The following RHOBTB3 variants were observed in gnomAD, a reference collection of about 807,000 sequenced individuals.
RHOBTB3 encodes Rho related BTB domain containing 3.
Under a neutral mutation model 67.2 loss-of-function variants are expected in RHOBTB3, and 47 were observed. The ratio of observed to expected loss-of-function variants is 0.70; its 90% CI spans 0.55 to 0.89. The LOEUF is 0.89. RHOBTB3 is among the 40% of genes least tolerant of loss of function. RHOBTB3 has a pLI of 0.00. For missense variants in RHOBTB3, 631 were observed against 750.0 expected, an observed-to-expected ratio of 0.84 and a Z score of 1.85; for synonymous variants, 273 against 274.2, an observed-to-expected ratio of 1.00 and a Z score of 0.04.
rs749058736 is a variant in RHOBTB3, at chr5:95,793,170, T to C, written c.1832T>C (p.Met611Thr). ...IHSRKCRCLV[M>T] ...TCCCGGAAATGTCGTTGCTTAGTAA[T>C]GTAACCTGGAGCTTTTATACACTAC... Residue 611 changes from methionine to threonine, a missense_variant, in exon 12 of 12, where the codon ATG (methionine) becomes ACG (threonine). Physicochemically the swap from Met to Thr is moderately conservative, Grantham distance 81. Coordinates refer to ENST00000379982, the MANE Select transcript of RHOBTB3 (RefSeq NM_014899.4). 4.4e-6 allele frequency: 7 copies of C among 1,594,426 alleles called. No homozygotes were observed. Among genetic ancestry groups the C allele is most frequent in the Admixed American group, 3.4e-5 (2 of 59,094 alleles).
intron 4 of RHOBTB3, among the ~76,000 whole-genome samples, chr5:95,750,168 T>G (rs1745048219): frequency 6.6e-6 from 1 of 152,196 alleles, no homozygotes; most frequent in Non-Finnish European, 1.5e-5. Context: ...AATGTTAGAA[T>G]GAAAGGAGCA....
In RHOBTB3 at chr5:95,780,439, A is replaced by G. The variant is rs571602578; in HGVS notation, c.1456+14A>G. On this transcript the variant is annotated intron_variant, in intron 9 of 11. Coordinates refer to ENST00000379982, the MANE Select transcript of RHOBTB3 (RefSeq NM_014899.4). ...CCTGCTGCCCAGGTTAGCAATACAA[A>G]TGTTGATAGTATCTCAGAATTCTTT... 2.9e-5 allele frequency: 46 copies of G among 1,606,956 alleles called. No individual in the cohort carries two copies. The highest frequency in any genetic ancestry group is 3.8e-5 in the Non-Finnish European group (45 of 1,173,808).
At chr5:95,763,928 G>C (rs35038952) in intron 7 of RHOBTB3, among the ~76,000 whole-genome samples, 76,837 of 151,488 alleles carry the variant, frequency 0.51, 20,117 homozygotes, top group Admixed American at 0.59. Flanking sequence ...TCCCACCTCA[G>C]CCTCCCAAGG....
Position 95,731,359 on chromosome 5 carries a change from C to G in RHOBTB3, c.-324C>G. The G allele has an allele frequency of 2.6e-6, 3 of 1,136,116 alleles. No individual in the cohort carries two copies. Among genetic ancestry groups the G allele is most frequent in the Non-Finnish European group, 2.2e-6 (2 of 929,826 alleles). 70.4% of individuals were successfully genotyped at this position (1,136,116 alleles called of 1,614,324 possible). ...GCAGCAGGAGGCGACAGCTGCCAGCCGAGGAGGCGCGGCGGAGAGGGGACT... is the reference window on the plus strand; with the variant it reads ...GCAGCAGGAGGCGACAGCTGCCAGCGGAGGAGGCGCGGCGGAGAGGGGACT... On this transcript the variant is annotated 5_prime_UTR_variant, in exon 1 of 12. Coordinates refer to ENST00000379982, the MANE Select transcript of RHOBTB3 (RefSeq NM_014899.4).
At chr5:95,792,913 T>G in intron 11 of RHOBTB3, 146 bp from the exon 12 acceptor site, 1 of 555,652 alleles carries the variant, frequency 1.8e-6, no homozygotes. Flanking sequence ...AAAATGGTAG[T>G]AAATTATTTG....
At chr5:95,771,938 C>G (rs982492325) in intron 8 of RHOBTB3, among the ~76,000 whole-genome samples, 1 of 144,802 alleles carries the variant, frequency 6.9e-6, no homozygotes, top group African/African-American at 2.6e-5. Flanking sequence ...AAAATATTTC[C>G]ACCTTTCTAA....
At chr5:95,774,274 A>G (rs905640174) in intron 8 of RHOBTB3, among the ~76,000 whole-genome samples, 1 of 152,194 alleles carries the variant, frequency 6.6e-6, no homozygotes, top group African/African-American at 2.4e-5. Context: ...CCATAATCCT[A>G]TGCCCTAATA....
intron 6 of RHOBTB3, among the ~76,000 whole-genome samples, chr5:95,757,693 G>C (rs1161997478): frequency 6.6e-6 from 1 of 152,210 alleles, no homozygotes. Context: ...AATACATATT[G>C]GAGTAGAATG....
In RHOBTB3 at chr5:95,768,135, G is replaced by A. The variant is rs375515640; in HGVS notation, c.1251G>A (p.Pro417=). ...NTSLKFFLNK[P]MLADVVFEIQ... is the part of the protein sequence containing the mutation. Reference sequence around the variant, plus strand: ...CCCTCAAGTTTTTCCTTAATAAGCCGATGCTTGCCGATGTTGTCTTCGAAA... The same window carrying A: ...CCCTCAAGTTTTTCCTTAATAAGCCAATGCTTGCCGATGTTGTCTTCGAAA... The change falls in exon 8 of 12, where the codon CCG becomes CCA. Residue 417 remains proline (P), a synonymous_variant. Transcript: ENST00000379982. 1.4e-5 allele frequency: 23 copies of A among 1,613,056 alleles called. No homozygotes were observed. Among genetic ancestry groups the A allele is most frequent in the African/African-American group, 5.3e-5 (4 of 74,850 alleles).
intron 7 of RHOBTB3, among the ~76,000 whole-genome samples, chr5:95,766,624 G>A (rs1056796675): frequency 2.0e-5 from 3 of 149,966 alleles, no homozygotes; most frequent in Non-Finnish European, 4.4e-5. Flanking sequence ...GAGAAAGAAA[G>A]CAAAGCAAAG....
chr5:95,792,257 G>C (rs1746419596), intron 11 of RHOBTB3, among the ~76,000 whole-genome samples: 1 of 151,980 alleles, frequency 6.6e-6, no homozygotes, highest in South Asian at 2.1e-4. Context: ...CGTGGTGACA[G>C]GCGCCTGTAG....
chr5:95,750,529 A>G (rs1257385510), intron 4 of RHOBTB3, among the ~76,000 whole-genome samples: 1 of 152,206 alleles, frequency 6.6e-6, no homozygotes. Context: ...TGGCTACTGT[A>G]TTATATAATG....
intron 6 of RHOBTB3, among the ~76,000 whole-genome samples, chr5:95,758,560 T>C (rs963816695): frequency 6.6e-6 from 1 of 152,134 alleles, no homozygotes; most frequent in Non-Finnish European, 1.5e-5. Context: ...TTTAGAAAGC[T>C]CATCTCTGGT....
At chr5:95,730,223 T>G (rs1183870608), upstream of RHOBTB3, among the ~76,000 whole-genome samples, 1 of 152,172 alleles carries the variant, frequency 6.6e-6, no homozygotes, top group African/African-American at 2.4e-5. Flanking sequence ...ACTGCCCTAC[T>G]CAATACCCCC....
Position 95,760,069 on chromosome 5 carries a change from G to A in RHOBTB3, c.1049-3439G>A, listed in dbSNP as rs76861863. On this transcript the variant is annotated intron_variant, in intron 6 of 11. Transcript: ENST00000379982. The stretch of plus-strand genomic sequence containing the variant: ...TTATGTCACCATGAACATTTGGTTC[G>A]TTATTTAGGAGCGACCTGTTTAACA... Among the ~76,000 whole-genome samples the A allele has an allele frequency of 5.1e-3, 773 of 151,886 alleles. 2 individuals are homozygous for A. Among genetic ancestry groups the A allele is most frequent in the African/African-American group, 0.018 (741 of 41,404 alleles).
In RHOBTB3 at chr5:95,794,036, AAGGGAAGAGAAGGAGGCTCACCGG is replaced by A. The variant is rs1294592344; in HGVS notation, c.*874_*897del. On this transcript the variant is annotated 3_prime_UTR_variant, in exon 12 of 12. Transcript: ENST00000379982. ...GAAAGCAGAAAAAGGCACTGATATA[AAGGGAAGAGAAGGAGGCTCACCGG>A]AGGGAAGAGAACATAGTGAAGATTC... 1.1e-5 allele frequency: 5 copies of A among 456,144 alleles called. 1 individual carries two copies. The highest frequency in any genetic ancestry group is 1.0e-4 in the African/African-American group (5 of 50,070). 28.3% of individuals were successfully genotyped at this position (456,144 alleles called of 1,614,324 possible).
intron 11 of RHOBTB3, 86 bp downstream of exon 11, chr5:95,788,944 T>C (rs1180865333): frequency 3.7e-6 from 3 of 815,616 alleles, no homozygotes; most frequent in African/African-American, 3.6e-5. Context: ...GTAGTACTTT[T>C]AGCAAAATAA....
chr5:95,731,798 G>A (rs1027998154), intron 1 of RHOBTB3, 61 bp from the exon 2 acceptor site: 7 of 1,603,056 alleles, frequency 4.4e-6, no homozygotes, highest in African/African-American at 4.0e-5. Flanking sequence ...TTCCTGTTCC[G>A]AGGAGAGACC....
chr5:95,755,931 C>A lies in RHOBTB3; in HGVS notation c.1048+170C>A. 9.7e-6 allele frequency: 6 copies of A among 618,982 alleles called. No homozygotes were observed. In the Admixed American group the frequency reaches 1.6e-4, roughly 17 times the overall value. The allele number at this position is 618,982 out of a possible 1,614,324, so 38.3% of individuals were successfully genotyped here. On this transcript the variant is annotated intron_variant, in intron 6 of 11. Transcript: ENST00000379982. ...CTTTATATATAAGAATTGGTCCAAG[C>A]TTTCTGTTTTCCTTACAAATGTACT...
Sources: gnomAD v4.1 joint callset for allele counts (sites outside exome capture counted in the v4.1 genomes callset) on GRCh38, gnomAD v4.1.1 for gene constraint, MANE v1.5 for transcripts, NCBI Gene and HGNC (gene_info 2026-07-23, HGNC 2026-07-21) for gene names.